AVPR1A: variants seen among roughly 807,000 people sequenced by gnomAD.
AVPR1A encodes the protein arginine vasopressin receptor 1A.
A neutral mutation model predicts 31.5 loss-of-function variants in AVPR1A; 31 were observed. The observed-to-expected ratio is 0.99, with a 90% CI of 0.74 to 1.33. The LOEUF is 1.33. Ranked by LOEUF, AVPR1A falls within the 40% of genes most tolerant of loss-of-function variation. The pLI is 0.00. For missense variants in AVPR1A, 570 were observed against 575.2 expected (o/e 0.99, Z 0.09); for synonymous variants, 243 against 233.2 (o/e 1.04, Z -0.38).
Position 63,150,465 on chromosome 12 carries a change from GC to G in AVPR1A, c.371del (p.Cys124SerfsTer4), listed in dbSNP as rs1466474506. The G allele has an allele frequency of 1.2e-6, 2 of 1,613,234 alleles. No homozygotes were observed. The highest frequency in any genetic ancestry group is 2.2e-5 in the South Asian group (2 of 91,024). On this transcript the variant is annotated frameshift_variant, in exon 1 of 2. Coordinates refer to ENST00000299178, the MANE Select transcript of AVPR1A (RefSeq NM_000706.5). LOFTEE classifies it high-confidence loss of function. This position sits in a 1 kb window ranked among gnomAD's most constrained non-coding sequence, Gnocchi z 4.9. ...TYRFRGPDWL[C>X]RVVKHLQVFG... ...ACACCTGCAGGTGCTTCACCACGCGGCACAGCCAGTCGGGGCCGCGGAAGCG... is the reference window on the plus strand; with the variant it reads ...ACACCTGCAGGTGCTTCACCACGCGGACAGCCAGTCGGGGCCGCGGAAGCG...
intron 1 of AVPR1A, among the ~76,000 whole-genome samples, chr12:63,149,431 A>G (rs930707759): frequency 3.3e-5 from 5 of 152,208 alleles, no homozygotes; most frequent in African/African-American, 1.2e-4. Context: ...AGCAGTTGTG[A>G]CAGTAAAAAT....
At position 63,144,508 on chromosome 12, in the gene AVPR1A, C is replaced by A. The variant is rs531394393; in HGVS notation, c.*2851G>T. The A allele has an allele frequency of 6.6e-6, 1 of 152,166 alleles. No individual in the cohort carries two copies. Among genetic ancestry groups the A allele is most frequent in the Non-Finnish European group, 1.5e-5 (1 of 68,022 alleles). The allele number at this position is 152,166 out of a possible 1,614,324, so 9.4% of individuals were successfully genotyped here. A position where few individuals can be genotyped will look rare whatever the true frequency, so the allele number is the denominator to read the frequency against. ...TGAAAAATAAAATAAGGTGCTGCAACACATTTTTTTCTTGACTGTAAGCTG... is the reference window on the plus strand; with the variant it reads ...TGAAAAATAAAATAAGGTGCTGCAAAACATTTTTTTCTTGACTGTAAGCTG... On this transcript the variant is annotated 3_prime_UTR_variant, in exon 2 of 2. Transcript: ENST00000299178.
In AVPR1A at chr12:63,145,273, G is replaced by C. The variant is rs1449562284; in HGVS notation, c.*2086C>G. 2.4e-6 allele frequency: 1 copy of C among 422,252 alleles called. No homozygotes were observed. Among genetic ancestry groups the C allele is most frequent in the Non-Finnish European group, 4.6e-6 (1 of 217,100 alleles). The allele number at this position is 422,252 out of a possible 1,614,324, so 26.2% of individuals were successfully genotyped here. On this transcript the variant is annotated 3_prime_UTR_variant, in exon 2 of 2. Transcript: ENST00000299178. Reference sequence around the variant, plus strand: ...AAAGCATTTGGAAACATGTTTTTAGGCCTATCAATACAAGGAGCCTAAGGG... The same window carrying C: ...AAAGCATTTGGAAACATGTTTTTAGCCCTATCAATACAAGGAGCCTAAGGG...
At chr12:63,149,772 T>TC in intron 1 of AVPR1A, 95 bp downstream of exon 1, 2 of 600,928 alleles carry the variant, frequency 3.3e-6, no homozygotes, top group African/African-American at 4.5e-5. Context: ...CTCATTTTTT[T>TC]CTCTCTCTCT....
rs1868480638 is a variant in AVPR1A, at chr12:63,151,177, C to T, written c.-341G>A. 1 of 261,136 alleles carries T rather than the reference C, an allele frequency of 3.8e-6. No homozygotes were observed. The highest frequency in any genetic ancestry group is 7.6e-5 in the South Asian group (1 of 13,076). The allele number at this position is 261,136 out of a possible 1,614,324, so 16.2% of individuals were successfully genotyped here. ...TTTCCTTGGGACGCGCTCCCTCCCG[C>T]CCTATTGCCGGAAGACTGCTGGTTG... On this transcript the variant is annotated 5_prime_UTR_variant, in exon 1 of 2. Transcript: ENST00000299178.
Position 63,150,157 on chromosome 12 carries a change from G to T in AVPR1A, c.680C>A (p.Ala227Glu), listed in dbSNP as rs1475024151. 1 of 1,613,970 alleles carries T rather than the reference G, an allele frequency of 6.2e-7. No homozygotes were observed. The highest frequency in any genetic ancestry group is 2.2e-5 in the East Asian group (1 of 44,872). The change falls in exon 1 of 2, where the codon GCG (alanine) becomes GAG (glutamate). Residue 227 changes from alanine (A) to glutamate (E), a missense_variant. By Grantham distance (107) the Ala-to-Glu change is moderately radical. Coordinates refer to ENST00000299178, the MANE Select transcript of AVPR1A (RefSeq NM_000706.5). The surrounding 1 kb of genome is among the most constrained non-coding windows in gnomAD (Gnocchi z 4.9). ...GCAGGTACCCAAGATGACCACGGGC[G>T]CCACAAAGATGCCGCCCGTCATCCA... ...VTWMTGGIFV[A>E]PVVILGTCYG...
At position 63,151,078 on chromosome 12, in the gene AVPR1A, G is replaced by T. The variant is rs3741865; in HGVS notation, c.-242C>A. 3 of 517,076 alleles carry T rather than the reference G, an allele frequency of 5.8e-6. No individual in the cohort carries two copies. The highest frequency in any genetic ancestry group is 9.9e-6 in the Non-Finnish European group (3 of 304,424). The allele number at this position is 517,076 out of a possible 1,614,324, so 32.0% of individuals were successfully genotyped here. The stretch of plus-strand genomic sequence containing the variant: ...CCCTGCTCTGCCTTTTTTCAACTTC[G>T]GCGAGGTCGGGAAGGTGAGCTCCGA... On this transcript the variant is annotated 5_prime_UTR_variant, in exon 1 of 2. Coordinates refer to ENST00000299178, the MANE Select transcript of AVPR1A (RefSeq NM_000706.5).
rs1196990220 is a variant in AVPR1A at position 63,150,343 on chromosome 12, C to T, written c.494G>A (p.Arg165His). ...HPLKTLQQPA[R>H]RSRLMIAAAW... is the part of the protein sequence containing the mutation. ...GGCCGCGATCATGAGGCGCGAGCGGCGCGCGGGCTGTTGCAGAGTCTTGAG... is the reference window on the plus strand; with the variant it reads ...GGCCGCGATCATGAGGCGCGAGCGGTGCGCGGGCTGTTGCAGAGTCTTGAG... The change falls in exon 1 of 2, where the codon CGC becomes CAC. Residue 165 changes from arginine (R) to histidine (H), a missense_variant. By Grantham distance (29) the Arg-to-His change is conservative. Transcript: ENST00000299178. The surrounding 1 kb of genome is among the most constrained non-coding windows in gnomAD (Gnocchi z 4.9). 2 of 1,613,780 alleles carry T rather than the reference C, an allele frequency of 1.2e-6. No homozygotes were observed. Among genetic ancestry groups the T allele is most frequent in the Non-Finnish European group, 1.7e-6 (2 of 1,180,006 alleles).
rs997923776 is a variant in AVPR1A, at chr12:63,150,781, C to T, written c.56G>A (p.Trp19Ter). 4.4e-6 allele frequency: 7 copies of T among 1,596,540 alleles called. No homozygotes were observed. The highest frequency in any genetic ancestry group is 5.9e-6 in the Non-Finnish European group (7 of 1,179,048). The change falls in exon 1 of 2, where the codon TGG (tryptophan) becomes TAG (stop). Residue 19 changes from tryptophan to a stop codon, truncating the protein, a stop_gained. Transcript: ENST00000299178. LOFTEE classifies it high-confidence loss of function. The surrounding 1 kb of genome is among the most constrained non-coding windows in gnomAD (Gnocchi z 4.9). ...AGPSGNSSPW[W>*]PLATGAGNTS... is the part of the protein sequence containing the mutation. Reference sequence around the variant, plus strand: ...GTTGCCAGCGCCGGTGGCCAGAGGCCACCATGGGCTGGAGTTGCCCGAGGG... The same window carrying T: ...GTTGCCAGCGCCGGTGGCCAGAGGCTACCATGGGCTGGAGTTGCCCGAGGG...
chr12:63,149,594 G>A (rs890871482), intron 1 of AVPR1A, among the ~76,000 whole-genome samples: 2 of 151,542 alleles, frequency 1.3e-5, no homozygotes, highest in African/African-American at 4.9e-5. Flanking sequence ...CAAATGCAGA[G>A]TCCTGAGCCC....
Position 63,143,259 on chromosome 12 carries a change from T to G in AVPR1A, c.*4100A>C, listed in dbSNP as rs555543350. ...AATATTTCATTCATTTTATAATACTTTGTTTTAATTATTATTTAGAACATA... is the reference window on the plus strand; with the variant it reads ...AATATTTCATTCATTTTATAATACTGTGTTTTAATTATTATTTAGAACATA... On this transcript the variant is annotated 3_prime_UTR_variant, in exon 2 of 2. Coordinates refer to ENST00000299178, the MANE Select transcript of AVPR1A (RefSeq NM_000706.5). The G allele has an allele frequency of 1.3e-5, 2 of 152,206 alleles. No individual in the cohort carries two copies. The highest frequency in any genetic ancestry group is 3.9e-4 in the East Asian group (2 of 5,194). The allele number at this position is 152,206 out of a possible 1,614,324, so 9.4% of individuals were successfully genotyped here.
At position 63,147,492 on chromosome 12, in the gene AVPR1A, T is replaced by C; in HGVS notation, c.1124A>G (p.Lys375Arg). 1 of 1,614,126 alleles carries C rather than the reference T, an allele frequency of 6.2e-7. No homozygotes were observed. The highest frequency in any genetic ancestry group is 8.5e-7 in the Non-Finnish European group (1 of 1,179,994). ...CCQNMKEKFNKEDTDSMSRRQ... is the reference protein window; with the variant it reads ...CCQNMKEKFNREDTDSMSRRQ... ...TCTGCTCATACTGTCAGTATCTTCT[T>C]TGTTGAATTTTTCCTTCATGTTTTG... The change falls in exon 2 of 2, where the codon AAA becomes AGA. Residue 375 changes from lysine to arginine, a missense_variant. Coordinates refer to ENST00000299178, the MANE Select transcript of AVPR1A (RefSeq NM_000706.5).
chr12:63,147,918 AT>A (rs1158872516), intron 1 of AVPR1A, among the ~76,000 whole-genome samples: 10 of 152,212 alleles, frequency 6.6e-5, no homozygotes, highest in Non-Finnish European at 1.2e-4. Context: ...GGTTAAGACT[AT>A]TAAGTAATTG....
Position 63,147,201 on chromosome 12 carries a change from G to T in AVPR1A, c.*158C>A. On this transcript the variant is annotated 3_prime_UTR_variant, in exon 2 of 2. Coordinates refer to ENST00000299178, the MANE Select transcript of AVPR1A (RefSeq NM_000706.5). ...CATACAAAATAATGTCTAGTTTTTG[G>T]TAGCAATATGAAAATGCAACTAGAA... The T allele has an allele frequency of 1.2e-6, 1 of 817,582 alleles. No homozygotes were observed. The highest frequency in any genetic ancestry group is 1.9e-6 in the Non-Finnish European group (1 of 536,112). The allele number at this position is 817,582 out of a possible 1,614,324, so 50.6% of individuals were successfully genotyped here. A position where few individuals can be genotyped will look rare whatever the true frequency, so the allele number is the denominator to read the frequency against.
In AVPR1A at chr12:63,150,648, C is replaced by A. The variant is rs777159358; in HGVS notation, c.189G>T (p.Ala63=). 2 of 1,609,316 alleles carry A rather than the reference C, an allele frequency of 1.2e-6. No homozygotes were observed. The highest frequency in any genetic ancestry group is 3.3e-5 in the Admixed American group (2 of 60,004). The change falls in exon 1 of 2, where the codon GCG becomes GCT. Residue 63 remains alanine, a synonymous_variant. Coordinates refer to ENST00000299178, the MANE Select transcript of AVPR1A (RefSeq NM_000706.5). This position sits in a 1 kb window ranked among gnomAD's most constrained non-coding sequence, Gnocchi z 4.9. ...LEIAVLAVTF[A]VAVLGNSSVL... ...CGCTGCTGTTGCCCAGCACGGCCAC[C>A]GCGAAAGTCACCGCCAGCACGGCGA...
chr12:63,147,749 A>G, intron 1 of AVPR1A, 104 bp from the exon 2 acceptor site: 1 of 1,254,484 alleles, frequency 8.0e-7, no homozygotes, highest in Middle Eastern at 2.1e-4. Context: ...GGATTATCAT[A>G]GAAAATGAAC....
In AVPR1A at chr12:63,150,929, G is replaced by A. The variant is rs556366032; in HGVS notation, c.-93C>T. On this transcript the variant is annotated 5_prime_UTR_variant, in exon 1 of 2. Transcript: ENST00000299178. This position sits in a 1 kb window ranked among gnomAD's most constrained non-coding sequence, Gnocchi z 4.9. Reference sequence around the variant, plus strand: ...CTCGGAGGACTTGGGCTCCTCGTCCGAAGCGCAGGGTCTTTGGCGCGCTCG... The same window carrying A: ...CTCGGAGGACTTGGGCTCCTCGTCCAAAGCGCAGGGTCTTTGGCGCGCTCG... 3.5e-6 allele frequency: 5 copies of A among 1,432,524 alleles called. No homozygotes were observed. The highest frequency in any genetic ancestry group is 2.9e-5 in the Admixed American group (1 of 35,044). 88.7% of individuals were successfully genotyped at this position (1,432,524 alleles called of 1,614,324 possible). A position where few individuals can be genotyped will look rare whatever the true frequency, so the allele number is the denominator to read the frequency against.
At position 63,145,267 on chromosome 12, in the gene AVPR1A, T is replaced by G. The variant is rs1197680492; in HGVS notation, c.*2092A>C. 2.4e-6 allele frequency: 1 copy of G among 416,946 alleles called. No individual in the cohort carries two copies. The highest frequency in any genetic ancestry group is 2.1e-5 in the African/African-American group (1 of 47,580). 25.8% of individuals were successfully genotyped at this position (416,946 alleles called of 1,614,324 possible). On this transcript the variant is annotated 3_prime_UTR_variant, in exon 2 of 2. Coordinates refer to ENST00000299178, the MANE Select transcript of AVPR1A (RefSeq NM_000706.5). ...CTCTATAAAGCATTTGGAAACATGT[T>G]TTTAGGCCTATCAATACAAGGAGCC...
Position 63,147,500 on chromosome 12 carries a change from T to A in AVPR1A, c.1116A>T (p.Lys372Asn), listed in dbSNP as rs1215991365. The change falls in exon 2 of 2, where the codon AAA becomes AAT. Residue 372 changes from lysine (K) to asparagine (N), a missense_variant. Lys to Asn is a moderately conservative substitution (Grantham distance 94). Coordinates refer to ENST00000299178, the MANE Select transcript of AVPR1A (RefSeq NM_000706.5). Reference sequence around the variant, plus strand: ...TACTGTCAGTATCTTCTTTGTTGAATTTTTCCTTCATGTTTTGGCAGCATG... The same window carrying A: ...TACTGTCAGTATCTTCTTTGTTGAAATTTTCCTTCATGTTTTGGCAGCATG... ...SFPCCQNMKE[K>N]FNKEDTDSMS... 6.2e-7 allele frequency: 1 copy of A among 1,614,128 alleles called. No individual in the cohort carries two copies. Among genetic ancestry groups the A allele is most frequent in the Admixed American group, 1.7e-5 (1 of 60,026 alleles).
Sources: allele counts gnomAD v4.1 joint callset (sites outside exome capture counted in the v4.1 genomes callset), GRCh38; gene constraint gnomAD v4.1.1; non-coding constraint Gnocchi (gnomAD v3.1); transcripts MANE v1.5; gene names NCBI Gene and HGNC (gene_info 2026-07-23, HGNC 2026-07-21).